RIPOR3: variants seen among roughly 807,000 people sequenced by gnomAD.
RIPOR3 encodes RIPOR family member 3.
RIPOR3 carries 95 observed loss-of-function variants against 114.3 expected under a neutral mutation model. The observed-to-expected ratio is 0.83, with a 90% CI of 0.70 to 0.99. The LOEUF is 0.99. Ranked by LOEUF, RIPOR3 falls within the 50% of genes least tolerant of loss-of-function variation. The probability of loss-of-function intolerance (pLI) is 0.00; values close to 1 mark genes in which losing one functional copy is unlikely to be tolerated. For synonymous variants in RIPOR3, 575 were observed against 543.8 expected, an observed-to-expected ratio of 1.06 and a Z score of -0.80; for missense variants, 1,252 against 1,266.9, an observed-to-expected ratio of 0.99 and a Z score of 0.18.
At chr20:50,616,866 G>A (rs2084191073) in intron 3 of RIPOR3, among the ~76,000 whole-genome samples, 1 of 152,166 alleles carries the variant, frequency 6.6e-6, no homozygotes, top group African/African-American at 2.4e-5. Flanking sequence ...GTCTAGGCCG[G>A]GCGCCGTGGC....
intron 2 of RIPOR3, among the ~76,000 whole-genome samples, chr20:50,623,217 G>A (rs551183619): frequency 6.7e-6 from 1 of 148,166 alleles, no homozygotes; most frequent in Non-Finnish European, 1.5e-5. Flanking sequence ...CCGAGATCAT[G>A]CCACTTCACT....
At position 50,602,258 on chromosome 20, in the gene RIPOR3, G is replaced by T. The variant is rs368287723; in HGVS notation, c.1473C>A (p.Ser491Arg). The change falls in exon 13 of 22, where the codon AGC (serine) becomes AGA (arginine). Residue 491 changes from serine to arginine, a missense_variant. By Grantham distance (110) the Ser-to-Arg change is moderately radical. Coordinates refer to ENST00000327979, the MANE Select transcript of RIPOR3 (RefSeq NM_001290268.2). This position sits in a 1 kb window ranked among gnomAD's most constrained non-coding sequence, Gnocchi z 4.3. The stretch of plus-strand genomic sequence containing the variant: ...CGTTCTGGCTACTCGAGGCTGTGCC[G>T]CTGTGGAACAGGGAGCCCTGTGGCA... ...PSLPQGSLFH[S>R]GTASSSQNGH... 9.3e-6 allele frequency: 15 copies of T among 1,613,850 alleles called. No homozygotes were observed. The highest frequency in any genetic ancestry group is 1.3e-5 in the Non-Finnish European group (15 of 1,179,940).
chr20:50,596,335 C>T (rs1447154681), intron 14 of RIPOR3, 72 bp from the exon 15 acceptor site: 2 of 1,594,312 alleles, frequency 1.3e-6, no homozygotes, highest in Admixed American at 3.4e-5. Flanking sequence ...GGGGAACCCT[C>T]CCTTCCCAGC....
chr20:50,691,046 C>T lies in RIPOR3; in HGVS notation c.3+80G>A, dbSNP rs2087195127. ...GGCCTGTGAGGAACGGCTGCCTCCT[C>T]CTGTCACCCCCAGCTCCAGAAGTCT... On this transcript the variant is annotated intron_variant, in intron 1 of 21. Transcript: ENST00000327979. 12 of 1,288,756 alleles carry T rather than the reference C, an allele frequency of 9.3e-6. No individual in the cohort carries two copies. The Admixed American group carries it at 1.4e-4, about 15-fold the overall frequency. The allele number at this position is 1,288,756 out of a possible 1,614,324, so 79.8% of individuals were successfully genotyped here.
chr20:50,645,866 G>GAGCC (rs1182418991), intron 1 of RIPOR3: 1 of 152,242 alleles, frequency 6.6e-6, no homozygotes, highest in Non-Finnish European at 1.5e-5. Context: ...AACAAGAGAT[G>GAGCC]AGCCATCTGG....
At chr20:50,677,518 C>T (rs777593555) in intron 1 of RIPOR3, among the ~76,000 whole-genome samples, 10 of 151,672 alleles carry the variant, frequency 6.6e-5, no homozygotes, top group South Asian at 2.1e-4. Context: ...ATGACAGACA[C>T]ACACCACCAC....
At chr20:50,682,987 A>G (rs2086906766) in intron 1 of RIPOR3, among the ~76,000 whole-genome samples, 2 of 152,180 alleles carry the variant, frequency 1.3e-5, no homozygotes, top group South Asian at 4.1e-4. Flanking sequence ...TTGGCCTCCC[A>G]AAGTACTGGG....
chr20:50,595,607 C>T (rs768918776), intron 15 of RIPOR3, 103 bp from the exon 16 acceptor site: 94 of 1,473,204 alleles, frequency 6.4e-5, no homozygotes, highest in Admixed American at 5.5e-5. Context: ...TCTTCTGTCC[C>T]GGGGGCAGCT....
intron 3 of RIPOR3, among the ~76,000 whole-genome samples, chr20:50,616,918 G>C (rs527432301): frequency 6.6e-6 from 1 of 152,110 alleles, no homozygotes; most frequent in African/African-American, 2.4e-5. Flanking sequence ...CGAGGTGGGC[G>C]GATCACAAGG....
chr20:50,669,665 G>T (rs1332889525), intron 1 of RIPOR3, among the ~76,000 whole-genome samples: 1 of 152,114 alleles, frequency 6.6e-6, no homozygotes, highest in Non-Finnish European at 1.5e-5. Context: ...TGGAGGTGCA[G>T]CAAGTTGAGA....
At chr20:50,592,911 G>A (rs2083160339) in intron 18 of RIPOR3, 124 bp downstream of exon 18, 2 of 1,240,634 alleles carry the variant, frequency 1.6e-6, no homozygotes, top group Admixed American at 4.2e-5. Flanking sequence ...CATTAAATCG[G>A]GGTTCCCAAA....
intron 1 of RIPOR3, among the ~76,000 whole-genome samples, chr20:50,679,957 AAAACAAACAGAC>A (rs1164294616): frequency 3.9e-5 from 6 of 152,160 alleles, no homozygotes; most frequent in African/African-American, 1.2e-4. Flanking sequence ...ATCCTGTCTC[AAAACAAACAGAC>A]AAACAAACAG....
chr20:50,604,258 T>C (rs748634281), intron 12 of RIPOR3, among the ~76,000 whole-genome samples: 16 of 151,764 alleles, frequency 1.1e-4, no homozygotes, highest in East Asian at 9.7e-4. Flanking sequence ...TGGAAGAATA[T>C]GGAAGAAACT....
At position 50,595,512 on chromosome 20, in the gene RIPOR3, G is replaced by A. The variant is rs2083257213; in HGVS notation, c.1915-8C>T. ...ATTAGGGGAGGCCAGTTTCTGGGAA[G>A]CAGCCCAGATGCTCCAGATTAGCAT... On this transcript the variant is annotated splice_region_variant and splice_polypyrimidine_tract_variant and intron_variant, in intron 15 of 21. Coordinates refer to ENST00000327979, the MANE Select transcript of RIPOR3 (RefSeq NM_001290268.2). The A allele has an allele frequency of 6.2e-7, 1 of 1,613,666 alleles. No individual in the cohort carries two copies.
At chr20:50,686,073 TAAG>T (rs907947055) in intron 1 of RIPOR3, among the ~76,000 whole-genome samples, 9 of 152,080 alleles carry the variant, frequency 5.9e-5, no homozygotes, top group Admixed American at 6.5e-5. Flanking sequence ...TTGTTTTTTT[TAAG>T]AAGGAGTCTC....
intron 1 of RIPOR3, among the ~76,000 whole-genome samples, chr20:50,643,621 T>A (rs2085284175): frequency 6.6e-6 from 1 of 151,916 alleles, no homozygotes; most frequent in Non-Finnish European, 1.5e-5. Context: ...TTGTTTTAAT[T>A]AAAAATAAAT....
intron 13 of RIPOR3, among the ~76,000 whole-genome samples, chr20:50,600,496 C>T (rs113442315): frequency 6.6e-6 from 1 of 152,150 alleles, no homozygotes; most frequent in Non-Finnish European, 1.5e-5. Context: ...CGATGGCTCA[C>T]GCCTGTAATC....
chr20:50,682,480 G>A (rs1189668664), intron 1 of RIPOR3, among the ~76,000 whole-genome samples: 2 of 152,014 alleles, frequency 1.3e-5, no homozygotes, highest in African/African-American at 2.4e-5. Flanking sequence ...GGTGGTGCAC[G>A]CCTGTAGTCC....
At chr20:50,643,934 C>T (rs980298019) in intron 1 of RIPOR3, among the ~76,000 whole-genome samples, 3 of 151,972 alleles carry the variant, frequency 2.0e-5, no homozygotes, top group East Asian at 3.9e-4. Flanking sequence ...AGGATGGTCT[C>T]GATCTCCTGA....
Sources: allele counts gnomAD v4.1 joint callset (sites outside exome capture counted in the v4.1 genomes callset), GRCh38; gene constraint gnomAD v4.1.1; non-coding constraint Gnocchi (gnomAD v3.1); transcripts MANE v1.5; gene names NCBI Gene and HGNC (gene_info 2026-07-23, HGNC 2026-07-21).